HMGCL: variants seen among roughly 807,000 people sequenced by gnomAD.
HMGCL encodes the protein 3-hydroxy-3-methylglutaryl-CoA lyase, also known as hydroxymethylglutaryl-CoA lyase, mitochondrial.
In HMGCL, 26 loss-of-function variants were observed where a neutral mutation model predicts 37.3. That is an observed-to-expected ratio of 0.70 (90% CI 0.51 to 0.97). The LOEUF is 0.97. HMGCL is among the 50% of genes least tolerant of loss of function. The pLI is 0.00. For missense variants in HMGCL, 379 were observed against 398.1 expected (o/e 0.95, Z 0.41); for synonymous variants, 151 against 148.0 (o/e 1.02, Z -0.15).
At position 23,822,317 on chromosome 1, in the gene HMGCL, GC is replaced by G. The variant is rs572216781; in HGVS notation, c.61-1725del. Among the ~76,000 whole-genome samples the G allele has an allele frequency of 2.7e-3, 408 of 152,246 alleles. 3 individuals carry two copies. Among genetic ancestry groups the G allele is most frequent in the African/African-American group, 9.1e-3 (377 of 41,532 alleles). ...CTAAGGGGAGGTGACACCCCCAGTA[GC>G]TGAAGACAGTTTTTACAAAATGCCC... On this transcript the variant is annotated intron_variant, in intron 1 of 8. Coordinates refer to ENST00000374490, the MANE Select transcript of HMGCL (RefSeq NM_000191.3).
At position 23,816,680 on chromosome 1, in the gene HMGCL, C is replaced by A; in HGVS notation, c.343G>T (p.Ala115Ser). 1 of 1,600,332 alleles carries A rather than the reference C, an allele frequency of 6.2e-7. No homozygotes were observed. Residue 115 changes from alanine (A) to serine (S), a missense_variant, in exon 4 of 9, where the codon GCA becomes TCA. Ala to Ser is a moderately conservative substitution (Grantham distance 99, BLOSUM62 1). Coordinates refer to ENST00000374490, the MANE Select transcript of HMGCL (RefSeq NM_000191.3). ...CCAACAAGCTATCCTCTTACCGCTGCCTCGAAGCCTTTCAAATTTGGGGTC... is the reference window on the plus strand; with the variant it reads ...CCAACAAGCTATCCTCTTACCGCTGACTCGAAGCCTTTCAAATTTGGGGTC... ...VLTPNLKGFE[A>S]AVAAGAKEVV...
chr1:23,812,308 G>T (rs1162524282), intron 5 of HMGCL, among the ~76,000 whole-genome samples: 1 of 152,226 alleles, frequency 6.6e-6, no homozygotes, highest in Non-Finnish European at 1.5e-5. Flanking sequence ...CCCACAAGAA[G>T]ACCTGAAGGA....
rs991786099 is a variant in HMGCL, at chr1:23,810,343, A to T, written c.561+393T>A. On this transcript the variant is annotated intron_variant, in intron 6 of 8. Coordinates refer to ENST00000374490, the MANE Select transcript of HMGCL (RefSeq NM_000191.3). ...ATAAGTTCTTGGGCTGGTCAAACTC[A>T]ATTCCCATGCCATGTTCTTCTCAGT... The T allele has an allele frequency of 4.9e-5, 13 of 264,208 alleles. No homozygotes were observed. In the Admixed American group the frequency reaches 6.4e-4, roughly 13 times the overall value. 16.4% of individuals were successfully genotyped at this position (264,208 alleles called of 1,614,324 possible). A position where few individuals can be genotyped will look rare whatever the true frequency, so the allele number is the denominator to read the frequency against.
chr1:23,816,154 G>T (rs543810045), intron 4 of HMGCL, among the ~76,000 whole-genome samples: 1 of 150,654 alleles, frequency 6.6e-6, no homozygotes, highest in East Asian at 2.0e-4. Flanking sequence ...CAAGCTTCTG[G>T]CCTCAAGCTG....
intron 1 of HMGCL, 112 bp from the exon 2 acceptor site, chr1:23,820,705 T>TA: frequency 1.3e-6 from 1 of 774,348 alleles, no homozygotes; most frequent in Non-Finnish European, 2.3e-6. Flanking sequence ...CAAGAAGAAA[T>TA]ATTTCTCACC....
At chr1:23,808,617 G>A (rs1638456776) in intron 6 of HMGCL, among the ~76,000 whole-genome samples, 1 of 152,146 alleles carries the variant, frequency 6.6e-6, no homozygotes, top group Non-Finnish European at 1.5e-5. Flanking sequence ...CTCACTTACG[G>A]CTGTCACATC....
chr1:23,824,689 T>G (rs1000664502), intron 1 of HMGCL, among the ~76,000 whole-genome samples: 1 of 152,214 alleles, frequency 6.6e-6, no homozygotes, highest in African/African-American at 2.4e-5. Flanking sequence ...TGTTGTCCGT[T>G]TTACAGACGA....
At position 23,817,457 on chromosome 1, in the gene HMGCL, A is replaced by G. The variant is rs941376913; in HGVS notation, c.252+19T>C. On this transcript the variant is annotated intron_variant, in intron 3 of 8. Transcript: ENST00000374490. The stretch of plus-strand genomic sequence containing the variant: ...TTTCATCCCTAGAGAAAGGCCTTTC[A>G]TTGAGGGCTAGGGCTCACCTGGGGA... 6.9e-7 allele frequency: 1 copy of G among 1,445,792 alleles called. No individual in the cohort carries two copies. Among genetic ancestry groups the G allele is most frequent in the Admixed American group, 1.7e-5 (1 of 59,760 alleles). 89.6% of individuals were successfully genotyped at this position (1,445,792 alleles called of 1,614,324 possible).
intron 1 of HMGCL, among the ~76,000 whole-genome samples, chr1:23,823,644 C>T (rs1291848294): frequency 5.3e-5 from 8 of 152,106 alleles, no homozygotes; most frequent in African/African-American, 1.4e-4. Flanking sequence ...TGAGCCACCA[C>T]GCCTGGTGAG....
intron 2 of HMGCL, 24 bp from the exon 3 acceptor site, chr1:23,817,607 A>G (rs1638635510): frequency 2.8e-6 from 4 of 1,443,316 alleles, no homozygotes; most frequent in South Asian, 2.3e-5. Flanking sequence ...AGAAACACCA[A>G]GGCAGCAAAG....
At chr1:23,809,292 G>A (rs1253997030) in intron 6 of HMGCL, 3 of 142,988 alleles carry the variant, frequency 2.1e-5, no homozygotes, top group Non-Finnish European at 4.5e-5. Context: ...AGGCTGGAGT[G>A]CGGTGGCGCA....
At chr1:23,815,863 CTT>C (rs1158727300) in intron 4 of HMGCL, among the ~76,000 whole-genome samples, 1 of 151,070 alleles carries the variant, frequency 6.6e-6, no homozygotes, top group African/African-American at 2.4e-5. Flanking sequence ...AAAAAAAAAA[CTT>C]TGATTTTCCC....
intron 4 of HMGCL, among the ~76,000 whole-genome samples, chr1:23,816,117 G>T (rs1323347207): frequency 5.4e-5 from 8 of 147,770 alleles, no homozygotes; most frequent in Non-Finnish European, 1.0e-4. Context: ...TAGAGACAAG[G>T]TCTCCTTATG....
intron 5 of HMGCL, among the ~76,000 whole-genome samples, chr1:23,813,157 T>C (rs967338336): frequency 3.3e-5 from 5 of 150,594 alleles, no homozygotes; most frequent in East Asian, 2.0e-4. Flanking sequence ...CCCAAAGTGC[T>C]GGGATTACAG....
At chr1:23,816,432 C>T (rs1028600702) in intron 4 of HMGCL, 2 of 567,306 alleles carry the variant, frequency 3.5e-6, no homozygotes, top group Non-Finnish European at 6.4e-6. Context: ...AATGTACATG[C>T]ATCCTATCTT....
intron 6 of HMGCL, chr1:23,810,450 G>A: frequency 2.3e-6 from 1 of 427,594 alleles, no homozygotes; most frequent in Non-Finnish European, 4.4e-6. Flanking sequence ...CCTGGGTAAG[G>A]AGCCCCTCCT....
intron 2 of HMGCL, among the ~76,000 whole-genome samples, chr1:23,819,544 C>T (rs1370154415): frequency 6.6e-6 from 1 of 151,982 alleles, no homozygotes. Flanking sequence ...GCCCGGCCAA[C>T]CTGGTGAAAC....
rs761706911 is a variant in HMGCL at position 23,816,678 on chromosome 1, T to G, written c.345A>C (p.Ala115=). 16 of 1,597,834 alleles carry G rather than the reference T, an allele frequency of 1.0e-5. No homozygotes were observed. Among genetic ancestry groups the G allele is most frequent in the Non-Finnish European group, 1.4e-5 (16 of 1,165,266 alleles). The change falls in exon 4 of 9, where the codon GCA becomes GCC. Residue 115 remains alanine, a synonymous_variant. Coordinates refer to ENST00000374490, the MANE Select transcript of HMGCL (RefSeq NM_000191.3). The stretch of plus-strand genomic sequence containing the variant: ...CACCAACAAGCTATCCTCTTACCGC[T>G]GCCTCGAAGCCTTTCAAATTTGGGG... ...VLTPNLKGFE[A]AVAAGAKEVV... is the part of the protein sequence containing the mutation.
At chr1:23,810,538 A>C in intron 6 of HMGCL, 198 bp downstream of exon 6, 1 of 600,668 alleles carries the variant, frequency 1.7e-6, no homozygotes, top group South Asian at 1.8e-5. Context: ...GGCTTCAAGG[A>C]CTACATGTTC....
Sources: allele counts gnomAD v4.1 joint callset (sites outside exome capture counted in the v4.1 genomes callset), GRCh38; gene constraint gnomAD v4.1.1; transcripts MANE v1.5; gene names NCBI Gene and HGNC (gene_info 2026-07-23, HGNC 2026-07-21).